Variants in ENTREP2 observed in about 807,000 individuals in gnomAD.
The protein encoded by ENTREP2 is protein ENTREP2.
At chr15:29,483,290 A>T in the ENTREP2 span, among the ~76,000 whole-genome samples, 478 of 152,230 alleles carry the variant, frequency 3.1e-3, 3 homozygotes, top group African/African-American at 0.01. Context: ...TTGTCTTTTC[A>T]TTCTCTTGAC....
chr15:29,261,160 T>C, the ENTREP2 span, among the ~76,000 whole-genome samples: 1 of 151,966 alleles, frequency 6.6e-6, no homozygotes, highest in South Asian at 2.1e-4. Context: ...GGACTGCTTG[T>C]GGTAAGGAGC....
chr15:29,577,223 T>C, the ENTREP2 span, among the ~76,000 whole-genome samples: 37 of 152,098 alleles, frequency 2.4e-4, no homozygotes, highest in African/African-American at 8.7e-4. Flanking sequence ...GCAGCCACTG[T>C]GGAAAATGGC....
chr15:29,657,752 G>C, the ENTREP2 span, among the ~76,000 whole-genome samples: 3 of 152,106 alleles, frequency 2.0e-5, no homozygotes, highest in Non-Finnish European at 4.4e-5. Context: ...TTGTAAGACA[G>C]AAAAGTTCCC....
the ENTREP2 span, among the ~76,000 whole-genome samples, chr15:29,411,182 C>T: frequency 2.6e-5 from 4 of 152,146 alleles, no homozygotes; most frequent in East Asian, 1.9e-4. Context: ...TCCTGGTGCA[C>T]GTGGGCAGGA....
At chr15:29,124,008 C>G in the ENTREP2 span, among the ~76,000 whole-genome samples, 1 of 152,216 alleles carries the variant, frequency 6.6e-6, no homozygotes, top group Non-Finnish European at 1.5e-5. Context: ...TGATCTCTTG[C>G]TGGGGCAGAA....
the ENTREP2 span, among the ~76,000 whole-genome samples, chr15:29,509,364 C>T: frequency 2.0e-5 from 3 of 152,112 alleles, no homozygotes; most frequent in Non-Finnish European, 4.4e-5. Flanking sequence ...TCCCATCAAG[C>T]TACCATTGAC....
chr15:29,441,544 A>G, the ENTREP2 span, among the ~76,000 whole-genome samples: 1 of 152,126 alleles, frequency 6.6e-6, no homozygotes, highest in African/African-American at 2.4e-5. Flanking sequence ...GTTGAGGGAC[A>G]GTTATGCGCA....
At chr15:29,138,587 CTG>C in the ENTREP2 span, among the ~76,000 whole-genome samples, 108 of 78,268 alleles carry the variant, frequency 1.4e-3, no homozygotes, top group Non-Finnish European at 5.4e-4. Flanking sequence ...GTGCATGTGT[CTG>C]TGTATATATG....
chr15:29,212,390 T>C, the ENTREP2 span, among the ~76,000 whole-genome samples: 1 of 152,218 alleles, frequency 6.6e-6, no homozygotes, highest in South Asian at 2.1e-4. Context: ...TTAATCTTGC[T>C]AATGGTCTAT....
chr15:29,250,560 T>C, the ENTREP2 span, among the ~76,000 whole-genome samples: 1 of 152,274 alleles, frequency 6.6e-6, no homozygotes, highest in South Asian at 2.1e-4. Context: ...GGGTCAGCCC[T>C]TCAAGCTTGG....
the ENTREP2 span, among the ~76,000 whole-genome samples, chr15:29,294,255 G>A: frequency 6.6e-6 from 1 of 152,206 alleles, no homozygotes; most frequent in African/African-American, 2.4e-5. Flanking sequence ...GAAAGGTTCT[G>A]GAAATTCAAA....
chr15:29,381,971 AT>A, the ENTREP2 span: 1 of 756,720 alleles, frequency 1.3e-6, no homozygotes. Context: ...CATGAGCTGC[AT>A]TTTCACAGCT....
At chr15:29,281,500 T>C in the ENTREP2 span, among the ~76,000 whole-genome samples, 4 of 152,168 alleles carry the variant, frequency 2.6e-5, no homozygotes, top group African/African-American at 4.8e-5. Context: ...TGGACCCCCA[T>C]ACCAGACATC....
chr15:29,370,685 TA>T, the ENTREP2 span, among the ~76,000 whole-genome samples: 2 of 152,232 alleles, frequency 1.3e-5, no homozygotes, highest in South Asian at 4.2e-4. Context: ...GAAATCCTGA[TA>T]TAGTGAGTCT....
the ENTREP2 span, among the ~76,000 whole-genome samples, chr15:29,170,376 A>C: frequency 6.6e-6 from 1 of 151,806 alleles, no homozygotes; most frequent in Non-Finnish European, 1.5e-5. Flanking sequence ...AGCAAGTATA[A>C]GTTTTTTAAA....
the ENTREP2 span, among the ~76,000 whole-genome samples, chr15:29,263,595 T>C: frequency 1.3e-5 from 2 of 152,218 alleles, no homozygotes. Flanking sequence ...GTAAAGATAA[T>C]AGGTGCTAAG....
the ENTREP2 span, among the ~76,000 whole-genome samples, chr15:29,476,663 C>T: frequency 6.6e-6 from 1 of 152,324 alleles, no homozygotes; most frequent in African/African-American, 2.4e-5. Context: ...ACATTTCCCT[C>T]GACTGCAAAG....
At chr15:29,384,115 C>T in the ENTREP2 span, among the ~76,000 whole-genome samples, 15 of 152,142 alleles carry the variant, frequency 9.9e-5, no homozygotes, top group African/African-American at 3.4e-4. Context: ...GTGGGCACAC[C>T]ATGTTCCCAT....
At chr15:29,138,333 T>G in the ENTREP2 span, among the ~76,000 whole-genome samples, 51 of 152,344 alleles carry the variant, frequency 3.3e-4, no homozygotes, top group African/African-American at 1.2e-3. Flanking sequence ...ACTGCTTTTC[T>G]TTCCACCTTC....
Sources: allele counts gnomAD v4.1 joint callset (sites outside exome capture counted in the v4.1 genomes callset), GRCh38; gene constraint gnomAD v4.1.1; transcripts MANE v1.5; gene names NCBI Gene and HGNC (gene_info 2026-07-23, HGNC 2026-07-21).